The following CDH13 variants were observed in gnomAD, a reference collection of about 807,000 sequenced individuals.
CDH13 encodes the protein cadherin 13, also known as cadherin-13.
Under a neutral mutation model 63.8 loss-of-function variants are expected in CDH13, and 24 were observed. The observed-to-expected ratio is 0.38, with a 90% CI of 0.27 to 0.53. The LOEUF is 0.53. Among genes scored for constraint, CDH13 ranks in the 20% least tolerant of loss-of-function variants. The pLI is 0.85. For synonymous variants in CDH13, 503 were observed against 355.3 expected, an observed-to-expected ratio of 1.42 and a Z score of -4.67; for missense variants, 1,049 against 903.1, an observed-to-expected ratio of 1.16 and a Z score of -2.07.
intron 10 of CDH13, among the ~76,000 whole-genome samples, chr16:83,714,093 G>A (rs1036885463): frequency 6.6e-6 from 1 of 152,170 alleles, no homozygotes; most frequent in African/African-American, 2.4e-5. Context: ...GAGTGGAGGG[G>A]GGGCTGCCCT....
chr16:83,512,186 TG>T (rs2074584011), intron 7 of CDH13, among the ~76,000 whole-genome samples: 1 of 150,960 alleles, frequency 6.6e-6, no homozygotes, highest in Non-Finnish European at 1.5e-5. Flanking sequence ...CCAGACATGG[TG>T]GCGGGTGCCT....
At position 82,767,131 on chromosome 16, in the gene CDH13, G is replaced by C. The variant is rs1007718578; in HGVS notation, c.46-91231G>C. ...TATTTTTCAGTAGAGTTCAATATTTGCTTACATATTGTTTCTCTTTTGATG... is the reference window on the plus strand; with the variant it reads ...TATTTTTCAGTAGAGTTCAATATTTCCTTACATATTGTTTCTCTTTTGATG... On this transcript the variant is annotated intron_variant, in intron 1 of 13. Transcript: ENST00000567109. Among the ~76,000 whole-genome samples the C allele has an allele frequency of 2.6e-5, 4 of 152,110 alleles. No homozygotes were observed. The East Asian group carries it at 7.7e-4, about 29-fold the overall frequency.
chr16:83,010,921 G>A (rs1257355731), intron 2 of CDH13, among the ~76,000 whole-genome samples: 1 of 152,178 alleles, frequency 6.6e-6, no homozygotes, highest in Non-Finnish European at 1.5e-5. Context: ...TTTTGTGGCT[G>A]AAGCTCAAAC....
chr16:83,790,559 C>G (rs1033733590), intron 13 of CDH13, among the ~76,000 whole-genome samples: 1 of 152,176 alleles, frequency 6.6e-6, no homozygotes, highest in African/African-American at 2.4e-5. Context: ...GCCACCATGC[C>G]TGGCTAATGT....
At chr16:82,999,427 TATC>T (rs1309847834) in intron 2 of CDH13, among the ~76,000 whole-genome samples, 2 of 151,620 alleles carry the variant, frequency 1.3e-5, no homozygotes, top group African/African-American at 4.9e-5. Context: ...AGGGAAGAAA[TATC>T]ATAACCACAT....
At chr16:82,913,500 T>C (rs963706019) in intron 2 of CDH13, among the ~76,000 whole-genome samples, 1 of 152,222 alleles carries the variant, frequency 6.6e-6, no homozygotes, top group African/African-American at 2.4e-5. Context: ...ACAACTATTT[T>C]ACTTTCTGTG....
At chr16:83,282,180 AT>A (rs1357300150) in intron 5 of CDH13, among the ~76,000 whole-genome samples, 1 of 152,196 alleles carries the variant, frequency 6.6e-6, no homozygotes, top group Non-Finnish European at 1.5e-5. Flanking sequence ...TTCTGCGGAC[AT>A]GGCTCATGGT....
At chr16:83,033,970 C>G (rs1288133680) in intron 3 of CDH13, among the ~76,000 whole-genome samples, 1 of 152,098 alleles carries the variant, frequency 6.6e-6, no homozygotes, top group African/African-American at 2.4e-5. Flanking sequence ...GCTTGATCTA[C>G]TCATTTTGTT....
intron 3 of CDH13, among the ~76,000 whole-genome samples, chr16:83,088,159 C>A (rs181075778): frequency 6.6e-6 from 1 of 152,150 alleles, no homozygotes; most frequent in Non-Finnish European, 1.5e-5. Flanking sequence ...TTTTGGCTCA[C>A]GACAACAAAA....
chr16:83,767,681 T>C (rs1914488016), intron 11 of CDH13, among the ~76,000 whole-genome samples: 1 of 152,192 alleles, frequency 6.6e-6, no homozygotes. Context: ...AAGAATGAAG[T>C]ATTAATACAC....
intron 2 of CDH13, among the ~76,000 whole-genome samples, chr16:83,001,622 T>A (rs1456348795): frequency 1.3e-5 from 2 of 152,238 alleles, no homozygotes; most frequent in Admixed American, 6.5e-5. Context: ...CTGGCAGCCA[T>A]GTTAATGGAT....
intron 5 of CDH13, among the ~76,000 whole-genome samples, chr16:83,316,318 T>G (rs2090104208): frequency 1.3e-5 from 2 of 152,202 alleles, no homozygotes; most frequent in African/African-American, 4.8e-5. Context: ...ACACACATAC[T>G]GAATAATTGC....
At chr16:83,028,741 C>T (rs1405885075) in intron 2 of CDH13, among the ~76,000 whole-genome samples, 1 of 152,134 alleles carries the variant, frequency 6.6e-6, no homozygotes, top group Non-Finnish European at 1.5e-5. Context: ...CAATTTGAAA[C>T]TTATGAATTG....
At chr16:83,626,955 T>A (rs1353887141) in intron 8 of CDH13, among the ~76,000 whole-genome samples, 2 of 152,144 alleles carry the variant, frequency 1.3e-5, no homozygotes, top group Non-Finnish European at 2.9e-5. Context: ...CTCGGCTCTT[T>A]CCCAGTTCTC....
At chr16:82,698,934 A>G (rs1444138826) in intron 1 of CDH13, among the ~76,000 whole-genome samples, 1 of 151,962 alleles carries the variant, frequency 6.6e-6, no homozygotes, top group Non-Finnish European at 1.5e-5. Flanking sequence ...TTTTCTTTTA[A>G]TAATCCTTTA....
At chr16:83,532,229 A>G (rs2075098221) in intron 7 of CDH13, among the ~76,000 whole-genome samples, 1 of 152,150 alleles carries the variant, frequency 6.6e-6, no homozygotes, top group African/African-American at 2.4e-5. Context: ...AGTCTCAGGT[A>G]TGTGTTTATC....
intron 7 of CDH13, among the ~76,000 whole-genome samples, chr16:83,555,916 C>G (rs1028213542): frequency 5.9e-5 from 9 of 152,114 alleles, no homozygotes; most frequent in Admixed American, 4.6e-4. Flanking sequence ...TATGCTTTTT[C>G]AATGGGAAAT....
In CDH13 at chr16:83,264,537, T is replaced by C. The variant is rs141195555; in HGVS notation, c.636+47040T>C. On this transcript the variant is annotated intron_variant, in intron 5 of 13. Coordinates refer to ENST00000567109, the MANE Select transcript of CDH13 (RefSeq NM_001257.5). ...GTGTATATGTATATATGTATATGTG[T>C]GTGTATATATATGTATGTGTGTGTG... is the stretch of plus-strand genomic sequence containing the variant. 4.8e-4 allele frequency among the ~76,000 whole-genome samples: 48 copies of C among 99,690 alleles called. 1 individual carries two copies. In the East Asian group the frequency reaches 0.015, roughly 30 times the overall value. The allele number at this position is 99,690 out of a possible 152,430, so 65.4% of individuals were successfully genotyped here.
At chr16:82,727,883 G>A (rs1364619819) in intron 1 of CDH13, among the ~76,000 whole-genome samples, 2 of 152,090 alleles carry the variant, frequency 1.3e-5, no homozygotes, top group African/African-American at 2.4e-5. Context: ...GAACAGATCA[G>A]CCCGTTCTGT....
Sources: allele counts gnomAD v4.1 joint callset (sites outside exome capture counted in the v4.1 genomes callset), GRCh38; gene constraint gnomAD v4.1.1; transcripts MANE v1.5; gene names NCBI Gene and HGNC (gene_info 2026-07-23, HGNC 2026-07-21).